The following RALGPS1 variants were observed in gnomAD, a reference collection of about 807,000 sequenced individuals.
The protein encoded by RALGPS1 is Ral GEF with PH domain and SH3 binding motif 1, also known as ras-specific guanine nucleotide-releasing factor RalGPS1.
RALGPS1 carries 19 observed loss-of-function variants against 78.8 expected under a neutral mutation model. The ratio of observed to expected loss-of-function variants is 0.24; its 90% CI spans 0.17 to 0.35. The LOEUF (loss-of-function observed/expected upper bound fraction) is 0.35, where lower values mean the gene tolerates loss of function less well. Among genes scored for constraint, RALGPS1 ranks in the 10% least tolerant of loss-of-function variants. The pLI, the probability that RALGPS1 is intolerant of heterozygous loss-of-function variation, is 1.00. For synonymous variants in RALGPS1, 228 were observed against 256.3 expected (o/e 0.89, Z 1.06); for missense variants, 454 against 688.3 (o/e 0.66, Z 3.81).
In RALGPS1 at chr9:127,211,311, G is replaced by A. The variant is rs1009475680; in HGVS notation, c.1248-820G>A. Among the ~76,000 whole-genome samples the A allele has an allele frequency of 6.6e-6, 1 of 152,190 alleles. No individual in the cohort carries two copies. Among genetic ancestry groups the A allele is most frequent in the Non-Finnish European group, 1.5e-5 (1 of 68,032 alleles). Reference sequence around the variant, plus strand: ...GGGGAGGGTGGAGGCACTGGCCGGTGTGGACCCAGGAAGGCCCGTGGAGCG... The same window carrying A: ...GGGGAGGGTGGAGGCACTGGCCGGTATGGACCCAGGAAGGCCCGTGGAGCG... On this transcript the variant is annotated intron_variant, in intron 14 of 18. Coordinates refer to ENST00000259351, the MANE Select transcript of RALGPS1 (RefSeq NM_014636.3). The surrounding 1 kb of genome is among the most constrained non-coding windows in gnomAD (Gnocchi z 5.0).
At chr9:127,200,953 A>G (rs1458990587) in intron 14 of RALGPS1, among the ~76,000 whole-genome samples, 1 of 152,170 alleles carries the variant, frequency 6.6e-6, no homozygotes, top group African/African-American at 2.4e-5. Flanking sequence ...TCATTCACTC[A>G]CTTATTCATT....
intron 4 of RALGPS1, among the ~76,000 whole-genome samples, chr9:126,996,801 A>G (rs1276960757): frequency 1.3e-4 from 19 of 150,942 alleles, no homozygotes; most frequent in South Asian, 8.5e-4. Flanking sequence ...CTGGCAAACC[A>G]AATCCAGCAG....
chr9:127,143,634 T>C (rs2057920109), intron 8 of RALGPS1, among the ~76,000 whole-genome samples: 1 of 152,196 alleles, frequency 6.6e-6, no homozygotes, highest in Non-Finnish European at 1.5e-5. Context: ...GTTTAAACTA[T>C]AAATAGACTT....
intron 8 of RALGPS1, among the ~76,000 whole-genome samples, chr9:127,165,334 A>G (rs1020618729): frequency 7.9e-5 from 12 of 152,248 alleles, no homozygotes; most frequent in Non-Finnish European, 2.9e-5. Flanking sequence ...CTGAATAGCC[A>G]GCGGCCCTTC....
At chr9:126,935,744 T>C (rs2036197340) in intron 1 of RALGPS1, among the ~76,000 whole-genome samples, 2 of 152,212 alleles carry the variant, frequency 1.3e-5, no homozygotes, top group African/African-American at 2.4e-5. Flanking sequence ...CTCTCTGCTT[T>C]AAACCAACAA....
intron 7 of RALGPS1, among the ~76,000 whole-genome samples, chr9:127,056,374 G>A (rs1474176138): frequency 6.6e-6 from 1 of 152,166 alleles, no homozygotes; most frequent in African/African-American, 2.4e-5. Flanking sequence ...AGGGAGAGAG[G>A]AGGTGATACA....
intron 8 of RALGPS1, among the ~76,000 whole-genome samples, chr9:127,083,560 G>A (rs2051386395): frequency 6.6e-6 from 1 of 152,202 alleles, no homozygotes; most frequent in African/African-American, 2.4e-5. Flanking sequence ...CTGGTTCCTG[G>A]CCCTTGTGAG....
chr9:127,055,425 C>T (rs570275843), intron 7 of RALGPS1, among the ~76,000 whole-genome samples: 20 of 152,246 alleles, frequency 1.3e-4, no homozygotes, highest in African/African-American at 4.8e-4. Flanking sequence ...GCTATGTTGC[C>T]CAGGCTGGTC....
chr9:127,081,228 C>CA (rs2051137098), intron 8 of RALGPS1, among the ~76,000 whole-genome samples: 1 of 126,196 alleles, frequency 7.9e-6, no homozygotes, highest in Admixed American at 7.8e-5. Flanking sequence ...CACAAAATGG[C>CA]ATTTTTTTTT....
At chr9:127,184,091 C>T (rs1324130767) in intron 11 of RALGPS1, 4 of 1,524,208 alleles carry the variant, frequency 2.6e-6, no homozygotes, top group African/African-American at 1.4e-5. Flanking sequence ...TTTGGGAAGC[C>T]GAAGCAGGAG....
At chr9:126,951,842 A>G (rs1380601826) in intron 1 of RALGPS1, among the ~76,000 whole-genome samples, 1 of 152,196 alleles carries the variant, frequency 6.6e-6, no homozygotes, top group Non-Finnish European at 1.5e-5. Flanking sequence ...GGAGAAAGAA[A>G]TAAAGGGTAT....
chr9:127,003,551 C>T (rs1384746691), intron 4 of RALGPS1, among the ~76,000 whole-genome samples: 7 of 152,174 alleles, frequency 4.6e-5, no homozygotes, highest in Non-Finnish European at 8.8e-5. Flanking sequence ...AAGTCACAAA[C>T]GTTCTTGAAC....
intron 8 of RALGPS1, among the ~76,000 whole-genome samples, chr9:127,142,663 A>G (rs1397402153): frequency 6.6e-6 from 1 of 152,220 alleles, no homozygotes; most frequent in East Asian, 1.9e-4. Context: ...CTGCTGGCTC[A>G]GAGCACACAA....
chr9:126,921,744 G>A (rs901106546), intron 1 of RALGPS1, among the ~76,000 whole-genome samples: 1 of 152,216 alleles, frequency 6.6e-6, no homozygotes, highest in African/African-American at 2.4e-5. Context: ...CGATACAAGA[G>A]GTGAGATAGT....
chr9:127,028,521 G>C (rs1484221095), intron 4 of RALGPS1, among the ~76,000 whole-genome samples: 2 of 152,124 alleles, frequency 1.3e-5, no homozygotes, highest in Admixed American at 6.5e-5. Flanking sequence ...CTTCCCTTTG[G>C]CTGGGCCTTG....
chr9:127,142,821 GTA>G (rs554127900), intron 8 of RALGPS1, among the ~76,000 whole-genome samples: 2 of 152,188 alleles, frequency 1.3e-5, no homozygotes, highest in African/African-American at 4.8e-5. Flanking sequence ...ATTTGTGTGT[GTA>G]TGTATGTATG....
intron 4 of RALGPS1, among the ~76,000 whole-genome samples, chr9:126,980,209 T>A (rs2132763294): frequency 6.6e-6 from 1 of 152,314 alleles, no homozygotes; most frequent in Admixed American, 6.5e-5. Context: ...ATGCCTGCCA[T>A]GTTGTGGCTG....
rs2062749995 is a variant in RALGPS1 at position 127,220,678 on chromosome 9, T to C, written c.*1909T>C. 1 of 152,252 alleles carries C rather than the reference T, an allele frequency of 6.6e-6. No individual in the cohort carries two copies. Among genetic ancestry groups the C allele is most frequent in the Admixed American group, 6.5e-5 (1 of 15,290 alleles). 9.4% of individuals were successfully genotyped at this position (152,252 alleles called of 1,614,324 possible). On this transcript the variant is annotated 3_prime_UTR_variant, in exon 19 of 19. Coordinates refer to ENST00000259351, the MANE Select transcript of RALGPS1 (RefSeq NM_014636.3). ...TCAGAACCATGCAGTGTTAACACTTTAACCTACATTGAATCTGATTCTACC... is the reference window on the plus strand; with the variant it reads ...TCAGAACCATGCAGTGTTAACACTTCAACCTACATTGAATCTGATTCTACC...
At chr9:127,035,919 G>T (rs1215889134) in intron 5 of RALGPS1, among the ~76,000 whole-genome samples, 2 of 152,014 alleles carry the variant, frequency 1.3e-5, no homozygotes, top group East Asian at 3.9e-4. Flanking sequence ...AAAAAAAAGT[G>T]TGAGAATTTT....
Sources: gnomAD v4.1 joint callset for allele counts (sites outside exome capture counted in the v4.1 genomes callset) on GRCh38, gnomAD v4.1.1 for gene constraint, Gnocchi (gnomAD v3.1) non-coding constraint, MANE v1.5 for transcripts, NCBI Gene and HGNC (gene_info 2026-07-23, HGNC 2026-07-21) for gene names.